The following ASB10 variants were observed in gnomAD, a reference collection of about 807,000 sequenced individuals.
ASB10 encodes the protein ankyrin repeat and SOCS box containing 10.
ASB10 carries 44 observed loss-of-function variants against 35.4 expected under a neutral mutation model. That is an observed-to-expected ratio of 1.24 (90% CI 0.98 to 1.60). The LOEUF (loss-of-function observed/expected upper bound fraction) is 1.60. ASB10 is among the 40% of genes most tolerant of loss of function. ASB10 has a pLI of 0.00. For missense variants in ASB10, 647 were observed against 634.3 expected (o/e 1.02, Z -0.22); for synonymous variants, 294 against 280.4 (o/e 1.05, Z -0.49).
At chr7:151,186,748 G>A (rs1455360730) in intron 1 of ASB10, 67 bp downstream of exon 1, 2 of 1,532,166 alleles carry the variant, frequency 1.3e-6, no homozygotes, top group East Asian at 4.6e-5. Context: ...CAGGAAGAGG[G>A]AGCCCAGAGC....
chr7:151,175,825 G>T lies in ASB10; in HGVS notation c.*142C>A. ...GCTGCCGCTGTCGGTCCGCTTCTCT[G>T]CATTGGGAATTGCAGCATCCACACC... is the stretch of plus-strand genomic sequence containing the variant. On this transcript the variant is annotated 3_prime_UTR_variant, in exon 6 of 6. Transcript: ENST00000420175. 1 of 452,418 alleles carries T rather than the reference G, an allele frequency of 2.2e-6. No individual in the cohort carries two copies. Among genetic ancestry groups the T allele is most frequent in the Non-Finnish European group, 3.9e-6 (1 of 255,772 alleles). The allele number at this position is 452,418 out of a possible 1,614,324, so 28.0% of individuals were successfully genotyped here. A position where few individuals can be genotyped will look rare whatever the true frequency, so the allele number is the denominator to read the frequency against.
intron 3 of ASB10, among the ~76,000 whole-genome samples, chr7:151,177,260 T>A (rs1387971931): frequency 6.6e-6 from 1 of 152,282 alleles, no homozygotes; most frequent in African/African-American, 2.4e-5. Flanking sequence ...GCACTTGACA[T>A]GTATGAACTC....
At chr7:151,186,319 C>T (rs1801588128) in intron 2 of ASB10, 73 bp downstream of exon 2, 1 of 1,480,610 alleles carries the variant, frequency 6.8e-7, no homozygotes, top group Admixed American at 2.3e-5. Flanking sequence ...GACATTTTCC[C>T]CCATCCTCCC....
upstream of ASB10, chr7:151,187,376 C>T: frequency 6.5e-7 from 1 of 1,544,600 alleles, no homozygotes; most frequent in Non-Finnish European, 8.7e-7. The surrounding 1 kb of genome is among the most constrained non-coding windows in gnomAD (Gnocchi z 5.3). Flanking sequence ...TCCTTTCACT[C>T]AAGCCCTTAG....
intron 1 of ASB10, 45 bp downstream of exon 1, chr7:151,186,770 C>A: frequency 6.5e-7 from 1 of 1,537,204 alleles, no homozygotes; most frequent in Non-Finnish European, 8.8e-7. Context: ...CCATCTGCAG[C>A]CTCCCCTCTC....
rs764682358 is a variant in ASB10, at chr7:151,186,980, C to T, written c.151G>A (p.Ala51Thr). The T allele has an allele frequency of 6.2e-7, 1 of 1,613,364 alleles. No individual in the cohort carries two copies. Among genetic ancestry groups the T allele is most frequent in the East Asian group, 2.2e-5 (1 of 44,858 alleles). The change falls in exon 1 of 6, where the codon GCC (alanine) becomes ACC (threonine). Residue 51 changes from alanine (A) to threonine (T), a missense_variant. Transcript: ENST00000420175. ...CAGAAGGCAAGGGCAGGTCCTGAGG[C>T]TGTGCGGGTGACGATGGGTCCCGGG... Reference protein sequence around the residue: ...SGPGPIVTRTASGPALAFWQA... With the variant: ...SGPGPIVTRTTSGPALAFWQA...
At chr7:151,179,742 A>G (rs1163033842) in intron 3 of ASB10, among the ~76,000 whole-genome samples, 1 of 152,174 alleles carries the variant, frequency 6.6e-6, no homozygotes, top group Non-Finnish European at 1.5e-5. Flanking sequence ...TGAGAGGTGG[A>G]GCAGGGCTGT....
chr7:151,176,007 G>A (rs565475894), intron 5 of ASB10, 41 bp from the exon 6 acceptor site: 7 of 1,350,480 alleles, frequency 5.2e-6, no homozygotes, highest in South Asian at 1.4e-5. Context: ...CTGGTGGTTC[G>A]GGGACGGGCC....
rs151344619 is a variant in ASB10, at chr7:151,186,840, A to G, written c.291T>C (p.Asp97=). 6.2e-7 allele frequency: 1 copy of G among 1,605,330 alleles called. No homozygotes were observed. The highest frequency in any genetic ancestry group is 8.5e-7 in the Non-Finnish European group (1 of 1,173,940). ...TCAGAGCACGGATGTTGAAGCGGAAATCCCTCCATCGCTCTGGGTCGCTGG... is the reference window on the plus strand; with the variant it reads ...TCAGAGCACGGATGTTGAAGCGGAAGTCCCTCCATCGCTCTGGGTCGCTGG... The part of the protein sequence containing the change: ...FDTSDPERWR[D]FRFNIRALRL... The change falls in exon 1 of 6, where the codon GAT becomes GAC. Residue 97 remains aspartate (D), a synonymous_variant. Coordinates refer to ENST00000420175, the MANE Select transcript of ASB10 (RefSeq NM_001142459.2).
chr7:151,183,980 G>A (rs918698093), intron 2 of ASB10, among the ~76,000 whole-genome samples: 1 of 152,172 alleles, frequency 6.6e-6, no homozygotes, highest in Non-Finnish European at 1.5e-5. Context: ...AAAGATATTT[G>A]TACCCACATG....
chr7:151,181,960 A>T (rs1298500541), intron 2 of ASB10, among the ~76,000 whole-genome samples: 1 of 152,194 alleles, frequency 6.6e-6, no homozygotes, highest in Non-Finnish European at 1.5e-5. Context: ...GGGATAATCC[A>T]CTAAATCATC....
chr7:151,186,440 T>C lies in ASB10; in HGVS notation c.536A>G (p.Gln179Arg). 1 of 1,589,548 alleles carries C rather than the reference T, an allele frequency of 6.3e-7. No homozygotes were observed. Among genetic ancestry groups the C allele is most frequent in the African/African-American group, 1.3e-5 (1 of 74,514 alleles). Residue 179 changes from glutamine (Q) to arginine (R), a missense_variant, in exon 2 of 6, where the codon CAG becomes CGG. Gln to Arg is a conservative substitution (Grantham distance 43). Coordinates refer to ENST00000420175, the MANE Select transcript of ASB10 (RefSeq NM_001142459.2). ...GAGATGCAGGGGGCGTTTCCCATCC[T>C]GGTCAGCGATGTTGGGGTCGGCTCC... ...VAGADPNIAD[Q>R]DGKRPLHLCR...
intron 2 of ASB10, among the ~76,000 whole-genome samples, chr7:151,184,339 G>T (rs1376668668): frequency 1.3e-5 from 2 of 151,918 alleles, no homozygotes; most frequent in South Asian, 4.2e-4. Context: ...CGTGAACCCG[G>T]GAGGCGGAGC....
rs151344609 is a variant in ASB10 at position 151,181,159 on chromosome 7, T to A, written c.884A>T (p.Gln295Leu). 4.2e-5 allele frequency: 67 copies of A among 1,610,412 alleles called. No individual in the cohort carries two copies. The highest frequency in any genetic ancestry group is 5.3e-5 in the Non-Finnish European group (63 of 1,178,276). Residue 295 changes from glutamine (Q) to leucine (L), a missense_variant, in exon 3 of 6, where the codon CAG becomes CTG. By Grantham distance (113) the Gln-to-Leu change is moderately radical. Coordinates refer to ENST00000420175, the MANE Select transcript of ASB10 (RefSeq NM_001142459.2). ...GCGGCAGGCCAGGTGCAGGGGTCGCTGCTTGTCCTGGTCCGCAGCATCAGC... is the reference window on the plus strand; with the variant it reads ...GCGGCAGGCCAGGTGCAGGGGTCGCAGCTTGTCCTGGTCCGCAGCATCAGC... ...ADADAADQDK[Q>L]RPLHLACRRG... is the part of the protein sequence containing the mutation.
rs138546100 is a variant in ASB10 at position 151,181,251 on chromosome 7, G to C, written c.792C>G (p.Thr264=). Residue 264 remains threonine, a synonymous_variant, in exon 3 of 6, where the codon ACC becomes ACG. Coordinates refer to ENST00000420175, the MANE Select transcript of ASB10 (RefSeq NM_001142459.2). ...AGCGGGCGGTGGTGGCCTCGGCATC[G>C]GTGATGGACTGGCAGCGGACGTCAC... ...AACDVRCQSI[T]DAEATTARCL... 2 of 1,613,170 alleles carry C rather than the reference G, an allele frequency of 1.2e-6. No homozygotes were observed. The highest frequency in any genetic ancestry group is 1.7e-6 in the Non-Finnish European group (2 of 1,179,982).
In ASB10 at chr7:151,176,251, G is replaced by A. The variant is rs566879250; in HGVS notation, c.1265C>T (p.Pro422Leu). 6.3e-7 allele frequency: 1 copy of A among 1,587,646 alleles called. No individual in the cohort carries two copies. Among genetic ancestry groups the A allele is most frequent in the Non-Finnish European group, 8.6e-7 (1 of 1,167,852 alleles). ...YSSLFALVRQ[P>L]RSLQHLSRCA... Reference sequence around the variant, plus strand: ...GCGGCTCAAATGCTGCAGCGACCTGGGCTGCCTCACCAAGGCGAAGAGGGA... The same window carrying A: ...GCGGCTCAAATGCTGCAGCGACCTGAGCTGCCTCACCAAGGCGAAGAGGGA... Residue 422 changes from proline (P) to leucine (L), a missense_variant, in exon 5 of 6, where the codon CCC (proline) becomes CTC (leucine). By Grantham distance (98) the Pro-to-Leu change is moderately conservative. Coordinates refer to ENST00000420175, the MANE Select transcript of ASB10 (RefSeq NM_001142459.2).
rs148812712 is a variant in ASB10, at chr7:151,186,561, G to A, written c.415C>T (p.Arg139Ter). 3.6e-5 allele frequency: 57 copies of A among 1,604,634 alleles called. No homozygotes were observed. The highest frequency in any genetic ancestry group is 1.6e-4 in the African/African-American group (12 of 74,908). Residue 139 changes from arginine (R) to a stop codon, truncating the protein, a stop_gained, in exon 2 of 6, where the codon CGA becomes TGA. Coordinates refer to ENST00000420175, the MANE Select transcript of ASB10 (RefSeq NM_001142459.2). LOFTEE classifies it high-confidence loss of function. ...TEVLRLLLRR[R>*]ARPDSAPGGR... is the part of the protein sequence containing the mutation. ...CCAGGGGCACTGTCTGGCCTTGCTC[G>A]CCGCCTCAGCAGCAGCCGCAGGACT...
intron 2 of ASB10, 46 bp from the exon 3 acceptor site, chr7:151,181,504 C>A: frequency 6.5e-7 from 1 of 1,528,278 alleles, no homozygotes. Flanking sequence ...GCACGGACCC[C>A]TGGCAGGAAC....
chr7:151,187,384 T>C (rs531491609), upstream of ASB10: 51 of 1,548,970 alleles, frequency 3.3e-5, no homozygotes, highest in South Asian at 5.1e-4. The surrounding 1 kb of genome is among the most constrained non-coding windows in gnomAD (Gnocchi z 5.3). Context: ...CTCAAGCCCT[T>C]AGGACCTCTG....
Sources: allele counts gnomAD v4.1 joint callset (sites outside exome capture counted in the v4.1 genomes callset), GRCh38; gene constraint gnomAD v4.1.1; non-coding constraint Gnocchi (gnomAD v3.1); transcripts MANE v1.5; gene names NCBI Gene and HGNC (gene_info 2026-07-23, HGNC 2026-07-21).